The following PTPRD variants were observed in gnomAD, a reference collection of about 807,000 sequenced individuals.
The protein encoded by PTPRD is protein tyrosine phosphatase receptor type D, also known as receptor-type tyrosine-protein phosphatase delta.
PTPRD carries 34 observed loss-of-function variants against 214.5 expected under a neutral mutation model. The ratio of observed to expected loss-of-function variants is 0.16; its 90% CI spans 0.12 to 0.21. The LOEUF (loss-of-function observed/expected upper bound fraction) is 0.21. PTPRD is among the 10% of genes least tolerant of loss of function. PTPRD has a pLI of 1.00. For missense variants in PTPRD, 2,545 were observed against 2,398.7 expected (o/e 1.06, Z -1.27); for synonymous variants, 1,128 against 845.7 (o/e 1.33, Z -5.79).
intron 8 of PTPRD, among the ~76,000 whole-genome samples, chr9:9,411,186 G>A (rs1264001973): frequency 6.6e-6 from 1 of 150,378 alleles, no homozygotes; most frequent in African/African-American, 2.4e-5. Context: ...CATAGTTTGT[G>A]TTCCTATTCA....
At chr9:10,516,124 T>C (rs2133992476) in intron 2 of PTPRD, among the ~76,000 whole-genome samples, 1 of 152,078 alleles carries the variant, frequency 6.6e-6, no homozygotes, top group South Asian at 2.1e-4. Flanking sequence ...ATGGTAGCTC[T>C]ATTTTTTATT....
intron 3 of PTPRD, among the ~76,000 whole-genome samples, chr9:10,337,796 T>C (rs946287411): frequency 6.6e-6 from 1 of 151,648 alleles, no homozygotes; most frequent in Non-Finnish European, 1.5e-5. Context: ...ATTTGAAAAC[T>C]TCTTCAAGAT....
intron 5 of PTPRD, among the ~76,000 whole-genome samples, chr9:9,785,753 G>C (rs751910181): frequency 2.0e-5 from 3 of 152,070 alleles, no homozygotes; most frequent in Non-Finnish European, 4.4e-5. Context: ...TATAGTACCA[G>C]TGTTAATTAT....
Position 8,748,537 on chromosome 9 carries a change from A to G in PTPRD, c.-103-14591T>C, listed in dbSNP as rs1192548485. Among the ~76,000 whole-genome samples, 48 of 117,246 alleles carry G rather than the reference A, an allele frequency of 4.1e-4. 1 individual carries two copies. Among genetic ancestry groups the G allele is most frequent in the Non-Finnish European group, 6.2e-4 (36 of 58,506 alleles). 76.9% of individuals were successfully genotyped at this position (117,246 alleles called of 152,430 possible). Reference sequence around the variant, plus strand: ...CCTGCAACTGCAAAAAAAAAAAAAAAAAAGAAAAAGAAAAAGAAAAAGAAA... The same window carrying G: ...CCTGCAACTGCAAAAAAAAAAAAAAGAAAGAAAAAGAAAAAGAAAAAGAAA... On this transcript the variant is annotated intron_variant, in intron 11 of 45. Transcript: ENST00000381196.
At chr9:9,445,017 T>C (rs2089876768) in intron 8 of PTPRD, among the ~76,000 whole-genome samples, 1 of 152,164 alleles carries the variant, frequency 6.6e-6, no homozygotes, top group African/African-American at 2.4e-5. Flanking sequence ...CTTGATCAAA[T>C]TTTAAAAAAA....
intron 3 of PTPRD, among the ~76,000 whole-genome samples, chr9:10,286,332 C>T (rs1447671517): frequency 7.2e-5 from 11 of 152,094 alleles, no homozygotes; most frequent in Non-Finnish European, 1.5e-5. Context: ...GCGACAGTTA[C>T]TCAGGAAGTT....
At chr9:9,411,734 A>G (rs2075500246) in intron 8 of PTPRD, among the ~76,000 whole-genome samples, 1 of 152,240 alleles carries the variant, frequency 6.6e-6, no homozygotes, top group Admixed American at 6.5e-5. Flanking sequence ...AACTGAGAGC[A>G]TTTCTCTTAA....
intron 28 of PTPRD, 139 bp from the exon 29 acceptor site, chr9:8,485,463 A>G: frequency 1.5e-6 from 1 of 655,942 alleles, no homozygotes. Context: ...CTACCTGTTT[A>G]GAGCATTCAT....
chr9:8,699,548 A>T (rs1349826623), intron 12 of PTPRD, among the ~76,000 whole-genome samples: 2 of 152,180 alleles, frequency 1.3e-5, no homozygotes, highest in Admixed American at 1.3e-4. Flanking sequence ...AAGTTTGAAA[A>T]TAATTTTATG....
intron 11 of PTPRD, among the ~76,000 whole-genome samples, chr9:8,876,145 T>C (rs772937225): frequency 3.3e-5 from 5 of 152,222 alleles, no homozygotes; most frequent in African/African-American, 9.7e-5. Flanking sequence ...GGCCTGATTT[T>C]GTGTTTCCAC....
At chr9:9,561,099 A>G (rs1414005782) in intron 8 of PTPRD, among the ~76,000 whole-genome samples, 1 of 152,140 alleles carries the variant, frequency 6.6e-6, no homozygotes, top group Non-Finnish European at 1.5e-5. Context: ...CGTTTCACAG[A>G]CAATAGTGTT....
rs180702785 is a variant in PTPRD, at chr9:10,348,007, G to A, written c.-599-6990C>T. Among the ~76,000 whole-genome samples, 25 of 152,104 alleles carry A rather than the reference G, an allele frequency of 1.6e-4. 1 individual carries two copies. The highest frequency in any genetic ancestry group is 1.2e-3 in the East Asian group (6 of 5,090). On this transcript the variant is annotated intron_variant, in intron 2 of 45. Transcript: ENST00000381196. Reference sequence around the variant, plus strand: ...CAGGAGGTGGTGGCTGCAGTGACCCGAGATCATGCCACTGCACTCCAGCCT... The same window carrying A: ...CAGGAGGTGGTGGCTGCAGTGACCCAAGATCATGCCACTGCACTCCAGCCT...
At chr9:9,423,172 T>C (rs1372739637) in intron 8 of PTPRD, among the ~76,000 whole-genome samples, 4 of 152,178 alleles carry the variant, frequency 2.6e-5, no homozygotes, top group Admixed American at 2.6e-4. Context: ...TTTCACACAA[T>C]GTCCAGTATA....
intron 3 of PTPRD, among the ~76,000 whole-genome samples, chr9:10,164,176 T>C (rs915213041): frequency 1.3e-5 from 2 of 151,526 alleles, no homozygotes; most frequent in Non-Finnish European, 3.0e-5. Flanking sequence ...GATTATAAAA[T>C]ACAGAACAGA....
At chr9:8,660,233 T>TCAATAATC (rs1328175783) in intron 12 of PTPRD, among the ~76,000 whole-genome samples, 1 of 152,182 alleles carries the variant, frequency 6.6e-6, no homozygotes, top group Non-Finnish European at 1.5e-5. Context: ...TATAGAAGAA[T>TCAATAATC]CAATAATCTA....
At chr9:10,393,627 T>C (rs1290169094) in intron 2 of PTPRD, among the ~76,000 whole-genome samples, 9 of 149,338 alleles carry the variant, frequency 6.0e-5, no homozygotes, top group Non-Finnish European at 1.0e-4. Flanking sequence ...CCAGTACTTA[T>C]TCTGCAAGTA....
At chr9:8,898,751 A>C (rs1416227657) in intron 11 of PTPRD, among the ~76,000 whole-genome samples, 1 of 152,170 alleles carries the variant, frequency 6.6e-6, no homozygotes, top group Non-Finnish European at 1.5e-5. Context: ...AATTATTACT[A>C]ACACTGGTAT....
intron 2 of PTPRD, among the ~76,000 whole-genome samples, chr9:10,589,858 C>A (rs2074989647): frequency 6.6e-6 from 1 of 151,904 alleles, no homozygotes; most frequent in Non-Finnish European, 1.5e-5. Flanking sequence ...GCCTGGAACG[C>A]CTAAGAATAT....
chr9:10,165,544 CAATACGGCTAGTAA>C (rs1245725682), intron 3 of PTPRD, among the ~76,000 whole-genome samples: 1 of 151,536 alleles, frequency 6.6e-6, no homozygotes, highest in Non-Finnish European at 1.5e-5. Context: ...TTATATATGA[CAATACGGCTAGTAA>C]AATGTTTTGT....
Sources: gnomAD v4.1 joint callset for allele counts (sites outside exome capture counted in the v4.1 genomes callset) on GRCh38, gnomAD v4.1.1 for gene constraint, MANE v1.5 for transcripts, NCBI Gene and HGNC (gene_info 2026-07-23, HGNC 2026-07-21) for gene names.